The following ASTN1 variants were observed in gnomAD, a reference collection of about 807,000 sequenced individuals.
ASTN1 encodes astrotactin 1.
Under a neutral mutation model 140.7 loss-of-function variants are expected in ASTN1, and 41 were observed. The observed-to-expected ratio is 0.29, with a 90% CI of 0.23 to 0.38. ASTN1 has a LOEUF of 0.38. Ranked by LOEUF, ASTN1 falls within the 10% of genes least tolerant of loss-of-function variation. ASTN1 has a pLI of 1.00. For missense variants in ASTN1, 1,479 were observed against 1,678.8 expected (o/e 0.88, Z 2.08); for synonymous variants, 640 against 652.2 (o/e 0.98, Z 0.29).
chr1:177,087,548 A>T (rs561292151), intron 1 of ASTN1, among the ~76,000 whole-genome samples: 1 of 152,244 alleles, frequency 6.6e-6, no homozygotes, highest in Non-Finnish European at 1.5e-5. Flanking sequence ...ATACTTTGTG[A>T]ATCTCCTCTA....
intron 1 of ASTN1, among the ~76,000 whole-genome samples, chr1:177,096,688 G>A (rs116409524): frequency 0.03 from 4,562 of 152,128 alleles, 110 homozygotes; most frequent in East Asian, 0.11. Flanking sequence ...CAGTTCCCCT[G>A]CCACATGCCC....
chr1:176,996,320 G>C (rs1001084300), intron 8 of ASTN1, among the ~76,000 whole-genome samples: 2 of 151,448 alleles, frequency 1.3e-5, no homozygotes, highest in African/African-American at 4.9e-5. Context: ...CAGAGAGAGA[G>C]AGAGAGACAG....
Position 176,959,872 on chromosome 1 carries a change from C to G in ASTN1, c.1599-1390G>C, listed in dbSNP as rs570193996. Among the ~76,000 whole-genome samples, 106 of 152,276 alleles carry G rather than the reference C, an allele frequency of 7.0e-4. 1 individual carries two copies. Among genetic ancestry groups the G allele is most frequent in the South Asian group, 3.5e-3 (17 of 4,828 alleles). ...CTGACTCTGAAAGAGTCACTCAATT[C>G]TCCCCACTCACAGGAGTATCAAGCA... On this transcript the variant is annotated intron_variant, in intron 9 of 22. Coordinates refer to ENST00000361833, the MANE Select transcript of ASTN1 (RefSeq NM_004319.3).
At chr1:177,144,925 C>T (rs1308901436) in intron 1 of ASTN1, among the ~76,000 whole-genome samples, 1 of 152,164 alleles carries the variant, frequency 6.6e-6, no homozygotes, top group East Asian at 1.9e-4. Flanking sequence ...ACATGATTTA[C>T]TCCAGGGAGA....
At chr1:177,005,530 G>A (rs1410883637) in intron 8 of ASTN1, among the ~76,000 whole-genome samples, 2 of 152,188 alleles carry the variant, frequency 1.3e-5, no homozygotes, top group Admixed American at 6.5e-5. Context: ...GCATGTATAT[G>A]TTTGTCATAG....
intron 16 of ASTN1, among the ~76,000 whole-genome samples, chr1:176,902,145 G>A (rs1286911691): frequency 6.6e-6 from 1 of 151,526 alleles, no homozygotes; most frequent in Non-Finnish European, 1.5e-5. Flanking sequence ...TGGAATGTTC[G>A]AGAAAAGATG....
At chr1:177,045,865 G>A (rs911994160) in intron 2 of ASTN1, among the ~76,000 whole-genome samples, 3 of 151,542 alleles carry the variant, frequency 2.0e-5, no homozygotes, top group Non-Finnish European at 1.5e-5. Flanking sequence ...CATTAAAAAT[G>A]TCTATTTAGA....
intron 8 of ASTN1, among the ~76,000 whole-genome samples, chr1:177,012,435 C>T (rs1487864322): frequency 2.0e-5 from 3 of 152,130 alleles, no homozygotes; most frequent in Non-Finnish European, 2.9e-5. Flanking sequence ...TTTCCTCCTC[C>T]TAACAGTTGC....
intron 21 of ASTN1, among the ~76,000 whole-genome samples, chr1:176,874,707 T>C (rs753978528): frequency 6.6e-6 from 1 of 152,182 alleles, no homozygotes; most frequent in Non-Finnish European, 1.5e-5. Context: ...CTGAATATTA[T>C]TATATGCCAG....
At chr1:177,103,935 A>G (rs1014763191) in intron 1 of ASTN1, among the ~76,000 whole-genome samples, 12 of 152,132 alleles carry the variant, frequency 7.9e-5, no homozygotes, top group African/African-American at 2.9e-4. Flanking sequence ...ACTAGCTCTG[A>G]GCAGATCCCT....
chr1:177,064,364 G>A (rs1409404262), intron 1 of ASTN1, among the ~76,000 whole-genome samples: 1 of 152,166 alleles, frequency 6.6e-6, no homozygotes, highest in African/African-American at 2.4e-5. Context: ...TAATTTGGTG[G>A]TTTTTAATAT....
intron 16 of ASTN1, among the ~76,000 whole-genome samples, chr1:176,900,364 C>T (rs1669713166): frequency 6.6e-6 from 1 of 152,330 alleles, no homozygotes; most frequent in Admixed American, 6.5e-5. Context: ...AGCAGCTATT[C>T]CTCGTCGTGC....
At chr1:177,112,169 T>C (rs1680852715) in intron 1 of ASTN1, among the ~76,000 whole-genome samples, 1 of 152,254 alleles carries the variant, frequency 6.6e-6, no homozygotes, top group East Asian at 1.9e-4. Flanking sequence ...ACCAACTTCA[T>C]AGCAAATTGC....
At chr1:177,026,437 A>G (rs999579091) in intron 5 of ASTN1, among the ~76,000 whole-genome samples, 4 of 151,922 alleles carry the variant, frequency 2.6e-5, no homozygotes, top group African/African-American at 9.7e-5. Flanking sequence ...ACTCCATTAT[A>G]TCCAACTCTT....
chr1:177,048,690 T>C (rs1042674872), intron 2 of ASTN1, among the ~76,000 whole-genome samples: 2 of 152,132 alleles, frequency 1.3e-5, no homozygotes, highest in Non-Finnish European at 2.9e-5. Context: ...CATGGCTTGC[T>C]CCCTAATGTG....
intron 16 of ASTN1, among the ~76,000 whole-genome samples, chr1:176,902,434 G>A (rs12132203): frequency 0.21 from 25,025 of 121,226 alleles, 2,558 homozygotes; most frequent in South Asian, 0.31. Context: ...GATAACATAC[G>A]GTGGTATTTT....
intron 1 of ASTN1, among the ~76,000 whole-genome samples, chr1:177,092,054 T>C (rs1281941494): frequency 1.3e-5 from 2 of 152,192 alleles, no homozygotes; most frequent in African/African-American, 2.4e-5. Context: ...TAATTCTATG[T>C]TTAACTTTTT....
At chr1:177,157,978 G>T (rs898433275) in intron 1 of ASTN1, among the ~76,000 whole-genome samples, 1 of 152,080 alleles carries the variant, frequency 6.6e-6, no homozygotes, top group Admixed American at 6.6e-5. Context: ...ATTGATGAAG[G>T]TGCCACCTTG....
At chr1:177,080,659 G>A (rs1354179468) in intron 1 of ASTN1, among the ~76,000 whole-genome samples, 2 of 152,186 alleles carry the variant, frequency 1.3e-5, no homozygotes, top group African/African-American at 2.4e-5. Flanking sequence ...TGTTATTGGA[G>A]TCACAGAGGA....
Sources: gnomAD v4.1 joint callset for allele counts (sites outside exome capture counted in the v4.1 genomes callset) on GRCh38, gnomAD v4.1.1 for gene constraint, MANE v1.5 for transcripts, NCBI Gene and HGNC (gene_info 2026-07-23, HGNC 2026-07-21) for gene names.